The following CTNNA3 variants were observed in gnomAD, a reference collection of about 807,000 sequenced individuals.
CTNNA3 encodes the protein catenin alpha-3.
A neutral mutation model predicts 95.7 loss-of-function variants in CTNNA3; 76 were observed. The ratio of observed to expected loss-of-function variants is 0.79; its 90% CI spans 0.66 to 0.96. The LOEUF is 0.96. Among genes scored for constraint, CTNNA3 ranks in the 40% least tolerant of loss-of-function variants. CTNNA3 has a pLI of 0.00. For synonymous variants in CTNNA3, 431 were observed against 374.4 expected (o/e 1.15, Z -1.74); for missense variants, 1,191 against 1,089.8 (o/e 1.09, Z -1.31).
chr10:67,665,142 T>C (rs1840299907), intron 1 of CTNNA3, among the ~76,000 whole-genome samples: 1 of 152,192 alleles, frequency 6.6e-6, no homozygotes, highest in Non-Finnish European at 1.5e-5. Flanking sequence ...AGCTTGGGTA[T>C]TGGCACATGA....
At chr10:66,840,366 TCTCTCTCACACACACACA>T (rs1027681805) in intron 7 of CTNNA3, among the ~76,000 whole-genome samples, 35 of 83,216 alleles carry the variant, frequency 4.2e-4, no homozygotes, top group South Asian at 2.5e-3. Context: ...TCTCTCTCTC[TCTCTCTCACACACACACA>T]CACACACACA....
intron 17 of CTNNA3, among the ~76,000 whole-genome samples, chr10:65,940,514 C>T (rs181228475): frequency 1.4e-3 from 217 of 152,262 alleles, no homozygotes; most frequent in African/African-American, 5.0e-3. Context: ...TCTTTCATAT[C>T]ACTGAGCAGA....
chr10:67,007,918 A>G (rs1852100931), intron 7 of CTNNA3, among the ~76,000 whole-genome samples: 1 of 152,106 alleles, frequency 6.6e-6, no homozygotes, highest in Admixed American at 6.6e-5. Context: ...GGTAATGTGG[A>G]TAGGAACTGA....
At chr10:66,088,521 G>C (rs955016635) in intron 14 of CTNNA3, among the ~76,000 whole-genome samples, 2 of 150,118 alleles carry the variant, frequency 1.3e-5, no homozygotes, top group Admixed American at 1.3e-4. Flanking sequence ...GTGTGTGTGT[G>C]TGTGTGTGTG....
intron 9 of CTNNA3, among the ~76,000 whole-genome samples, chr10:66,758,993 G>T (rs1419810611): frequency 6.6e-6 from 1 of 152,080 alleles, no homozygotes; most frequent in Non-Finnish European, 1.5e-5. Flanking sequence ...TTTTAGCAGA[G>T]AATTTTGCAC....
At chr10:66,703,872 G>A (rs1201058908) in intron 9 of CTNNA3, among the ~76,000 whole-genome samples, 1 of 152,176 alleles carries the variant, frequency 6.6e-6, no homozygotes, top group Non-Finnish European at 1.5e-5. Context: ...CATCAGCAAT[G>A]ACTCTGGCAA....
chr10:67,321,753 T>C (rs958439294), intron 5 of CTNNA3, among the ~76,000 whole-genome samples: 1 of 152,148 alleles, frequency 6.6e-6, no homozygotes, highest in African/African-American at 2.4e-5. Flanking sequence ...CAAACTCACA[T>C]ATACAACTTG....
intron 6 of CTNNA3, among the ~76,000 whole-genome samples, chr10:67,198,605 T>G (rs896510115): frequency 6.6e-6 from 1 of 152,334 alleles, no homozygotes; most frequent in African/African-American, 2.4e-5. Flanking sequence ...TTTAATTCAT[T>G]CTGCTCTGTT....
chr10:67,491,606 G>A (rs185293684), intron 5 of CTNNA3, among the ~76,000 whole-genome samples: 21 of 152,230 alleles, frequency 1.4e-4, no homozygotes, highest in African/African-American at 3.4e-4. Context: ...TTCAAAGAAC[G>A]GAAAATACTC....
intron 1 of CTNNA3, among the ~76,000 whole-genome samples, chr10:67,749,816 G>A (rs1440686196): frequency 6.6e-6 from 1 of 152,136 alleles, no homozygotes. Context: ...TAAGATCAGA[G>A]TGGAACTGAA....
chr10:67,487,907 T>C (rs1848504778), intron 5 of CTNNA3, among the ~76,000 whole-genome samples: 1 of 152,172 alleles, frequency 6.6e-6, no homozygotes, highest in South Asian at 2.1e-4. Flanking sequence ...CTCTCAGAGT[T>C]CTATGGATGA....
chr10:67,302,432 C>G (rs1438156832), intron 5 of CTNNA3, among the ~76,000 whole-genome samples: 1 of 152,086 alleles, frequency 6.6e-6, no homozygotes, highest in Admixed American at 6.6e-5. Flanking sequence ...AGTGTTCTCA[C>G]CACAAAAATG....
At chr10:67,716,540 C>T (rs971140476) in intron 1 of CTNNA3, among the ~76,000 whole-genome samples, 1 of 152,136 alleles carries the variant, frequency 6.6e-6, no homozygotes, top group African/African-American at 2.4e-5. Flanking sequence ...TCTCATTGTT[C>T]AATTCCTACT....
intron 7 of CTNNA3, among the ~76,000 whole-genome samples, chr10:67,001,194 G>T (rs886325634): frequency 6.6e-6 from 1 of 151,136 alleles, no homozygotes; most frequent in South Asian, 2.1e-4. Context: ...CCAGCTACTC[G>T]GGAGGGTGAG....
At chr10:67,578,821 G>C (rs1450716329) in intron 3 of CTNNA3, among the ~76,000 whole-genome samples, 1 of 151,612 alleles carries the variant, frequency 6.6e-6, no homozygotes, top group African/African-American at 2.4e-5. Flanking sequence ...TGCCCACTTT[G>C]TTGAGAGTTT....
chr10:67,163,523 A>G (rs1861637958), intron 7 of CTNNA3, among the ~76,000 whole-genome samples: 1 of 152,076 alleles, frequency 6.6e-6, no homozygotes, highest in African/African-American at 2.4e-5. Context: ...ATTGTATTTA[A>G]TGGCAAAAGA....
chr10:67,248,397 G>C (rs1040467383), intron 5 of CTNNA3, among the ~76,000 whole-genome samples: 9 of 151,996 alleles, frequency 5.9e-5, no homozygotes, highest in Non-Finnish European at 1.2e-4. Flanking sequence ...CTTTTTTCGT[G>C]TTTTTTGTTT....
chr10:67,742,535 C>T (rs1244493504), intron 1 of CTNNA3, among the ~76,000 whole-genome samples: 2 of 150,706 alleles, frequency 1.3e-5, no homozygotes, highest in Non-Finnish European at 3.0e-5. Context: ...ACTAAATGCC[C>T]ACAAGAGAAA....
chr10:67,424,088 A>G (rs1214324667), intron 5 of CTNNA3, among the ~76,000 whole-genome samples: 2 of 152,288 alleles, frequency 1.3e-5, no homozygotes, highest in East Asian at 3.9e-4. Flanking sequence ...TAACACAGTC[A>G]GCCCTAATGA....
Sources: gnomAD v4.1 joint callset for allele counts (sites outside exome capture counted in the v4.1 genomes callset) on GRCh38, gnomAD v4.1.1 for gene constraint, MANE v1.5 for transcripts, NCBI Gene and HGNC (gene_info 2026-07-23, HGNC 2026-07-21) for gene names.